NRG1: variants seen among roughly 807,000 people sequenced by gnomAD.
The protein encoded by NRG1 is neuregulin 1.
A neutral mutation model predicts 63.8 loss-of-function variants in NRG1; 18 were observed. That is an observed-to-expected ratio of 0.28 (90% confidence interval 0.19 to 0.42). The LOEUF is 0.42. Among genes scored for constraint, NRG1 ranks in the 10% least tolerant of loss-of-function variants. The pLI is 1.00. For synonymous variants in NRG1, 302 were observed against 301.3 expected (o/e 1.00, Z -0.02); for missense variants, 762 against 814.7 (o/e 0.94, Z 0.79).
At chr8:31,677,082 G>C (rs1370415817) in intron 1 of NRG1, among the ~76,000 whole-genome samples, 1 of 152,094 alleles carries the variant, frequency 6.6e-6, no homozygotes. Context: ...TCCATTTTCA[G>C]TAGTATGAAA....
rs187070743 is a variant in NRG1 at position 32,523,440 on chromosome 8, C to T, written c.38-72388C>T. On this transcript the variant is annotated intron_variant, in intron 1 of 10. Coordinates refer to the NRG1 transcript ENST00000519301. ...TTATATTACTATTTAATGGAGTTAG[C>T]GTTGCTATTTTTAAAAGAGTTTATT... Among the ~76,000 whole-genome samples the T allele has an allele frequency of 8.5e-5, 13 of 152,224 alleles. No homozygotes were observed. In the East Asian group the frequency reaches 1.5e-3, roughly 18 times the overall value.
chr8:31,931,570 A>G (rs554071716), intron 1 of NRG1, among the ~76,000 whole-genome samples: 84 of 152,340 alleles, frequency 5.5e-4, no homozygotes, highest in African/African-American at 1.9e-3. Context: ...AGTGCTTAGC[A>G]TGGTGTCTAG....
At chr8:32,284,709 CT>C (rs1853318361) in intron 1 of NRG1, among the ~76,000 whole-genome samples, 1 of 152,060 alleles carries the variant, frequency 6.6e-6, no homozygotes, top group East Asian at 1.9e-4. Flanking sequence ...TCTTTTTTGC[CT>C]TTTGTTTGTT....
At position 32,685,257 on chromosome 8, in the gene NRG1, A is replaced by G. The variant is rs527542352; in HGVS notation, c.503-42692A>G. 6.6e-5 allele frequency among the ~76,000 whole-genome samples: 10 copies of G among 152,320 alleles called. No individual in the cohort carries two copies. The South Asian group carries it at 2.1e-3, about 32-fold the overall frequency. ...AGAGAGTCAATATGCCTGAATTCAT[A>G]TCTCAGCTCTGCCACCATCACTGGT... On this transcript the variant is annotated intron_variant, in intron 5 of 11. Transcript: ENST00000356819.
At chr8:32,455,484 C>T (rs1390276977) in intron 1 of NRG1, among the ~76,000 whole-genome samples, 1 of 152,106 alleles carries the variant, frequency 6.6e-6, no homozygotes, top group Admixed American at 6.5e-5. Flanking sequence ...TCATCACAGC[C>T]CAATTTGACC....
intron 5 of NRG1, among the ~76,000 whole-genome samples, chr8:32,698,667 G>A (rs1192897193): frequency 3.9e-5 from 6 of 152,154 alleles, no homozygotes; most frequent in Non-Finnish European, 7.3e-5. Flanking sequence ...ATGAGTTCAG[G>A]ATGGCCTTAG....
At position 32,538,970 on chromosome 8, in the gene NRG1, A is replaced by C. The variant is rs112534374; in HGVS notation, c.38-56858A>C. On this transcript the variant is annotated intron_variant, in intron 1 of 10. Coordinates refer to the NRG1 transcript ENST00000519301. The stretch of plus-strand genomic sequence containing the variant: ...GAACATCAGGAAAAAACAGAAGAGG[A>C]AAGTTTTGAGTTGGGTCTGGAAGAA... Among the ~76,000 whole-genome samples the C allele has an allele frequency of 2.8e-3, 434 of 152,332 alleles. 3 individuals carry two copies. Among genetic ancestry groups the C allele is most frequent in the African/African-American group, 0.01 (418 of 41,590 alleles).
At chr8:31,859,964 C>A (rs1828317313) in intron 1 of NRG1, among the ~76,000 whole-genome samples, 1 of 152,186 alleles carries the variant, frequency 6.6e-6, no homozygotes, top group African/African-American at 2.4e-5. Context: ...TTAGAAACAA[C>A]CCCCTCTAGC....
At chr8:31,963,417 T>TAA (rs1414377095) in intron 1 of NRG1, among the ~76,000 whole-genome samples, 1 of 152,208 alleles carries the variant, frequency 6.6e-6, no homozygotes. Context: ...CAGTGATTTT[T>TAA]AGATACATTT....
At chr8:31,824,416 G>C (rs996937798) in intron 1 of NRG1, among the ~76,000 whole-genome samples, 5 of 152,078 alleles carry the variant, frequency 3.3e-5, no homozygotes, top group African/African-American at 1.2e-4. Flanking sequence ...ATTCCTGAAG[G>C]GACTTGTCAG....
chr8:32,042,923 T>G (rs926193579), intron 1 of NRG1, among the ~76,000 whole-genome samples: 2 of 149,456 alleles, frequency 1.3e-5, no homozygotes, highest in Non-Finnish European at 3.0e-5. Flanking sequence ...AGGTCTGATA[T>G]GTATGGCTTT....
chr8:32,608,107 G>GTTTTT (rs1224928528), intron 3 of NRG1, among the ~76,000 whole-genome samples: 149 of 104,678 alleles, frequency 1.4e-3, no homozygotes, highest in South Asian at 1.7e-3. Flanking sequence ...TTTTTTTTTT[G>GTTTTT]TTTTTTTTTT....
intron 1 of NRG1, among the ~76,000 whole-genome samples, chr8:31,668,962 T>C (rs1270252660): frequency 2.0e-5 from 3 of 152,210 alleles, no homozygotes; most frequent in Non-Finnish European, 4.4e-5. Context: ...TAATGAGATA[T>C]AGAGGGGACG....
chr8:31,833,727 G>A (rs1825394519), intron 1 of NRG1, among the ~76,000 whole-genome samples: 1 of 152,174 alleles, frequency 6.6e-6, no homozygotes, highest in South Asian at 2.1e-4. Context: ...TTCCTGATTA[G>A]TCATCTTGGT....
At chr8:32,280,387 C>T (rs1404948759) in intron 1 of NRG1, among the ~76,000 whole-genome samples, 2 of 152,192 alleles carry the variant, frequency 1.3e-5, no homozygotes, top group Non-Finnish European at 2.9e-5. Flanking sequence ...ATTGCTTTAC[C>T]TGATGCTTAT....
intron 1 of NRG1, among the ~76,000 whole-genome samples, chr8:31,871,621 G>C (rs1389986466): frequency 1.3e-5 from 2 of 151,878 alleles, no homozygotes; most frequent in African/African-American, 2.4e-5. Context: ...CTAAAAAACT[G>C]TGGTTCTTAT....
At chr8:31,684,838 G>T (rs773422714) in intron 1 of NRG1, among the ~76,000 whole-genome samples, 2 of 151,602 alleles carry the variant, frequency 1.3e-5, no homozygotes, top group Admixed American at 1.3e-4. Flanking sequence ...TGGTGTTTTT[G>T]CCTCATATAT....
chr8:32,724,530 A>T (rs778773267), intron 5 of NRG1, among the ~76,000 whole-genome samples: 4 of 152,128 alleles, frequency 2.6e-5, no homozygotes, highest in Non-Finnish European at 5.9e-5. Flanking sequence ...CGGCACAGAG[A>T]AAAAATATCA....
At chr8:32,050,314 C>G (rs757408553) in intron 1 of NRG1, among the ~76,000 whole-genome samples, 2 of 152,110 alleles carry the variant, frequency 1.3e-5, no homozygotes, top group African/African-American at 2.4e-5. Context: ...TGTCTGACTT[C>G]TAGGATATCA....
Sources: allele counts gnomAD v4.1 joint callset (sites outside exome capture counted in the v4.1 genomes callset), GRCh38; gene constraint gnomAD v4.1.1; transcripts MANE v1.5; gene names NCBI Gene and HGNC (gene_info 2026-07-23, HGNC 2026-07-21).